GRID2: variants seen among roughly 807,000 people sequenced by gnomAD.
GRID2 encodes the protein glutamate ionotropic receptor delta type subunit 2, also known as glutamate receptor ionotropic, delta-2.
In GRID2, 33 loss-of-function variants were observed where a neutral mutation model predicts 114.8. That is an observed-to-expected ratio of 0.29 (90% confidence interval 0.22 to 0.38). GRID2 has a LOEUF of 0.38. Ranked by LOEUF, GRID2 falls within the 10% of genes least tolerant of loss-of-function variation. GRID2 has a pLI of 1.00. For synonymous variants in GRID2, 505 were observed against 449.9 expected (o/e 1.12, Z -1.55); for missense variants, 1,184 against 1,257.7 (o/e 0.94, Z 0.89).
intron 14 of GRID2, among the ~76,000 whole-genome samples, chr4:93,700,036 C>T (rs1034516768): frequency 1.3e-5 from 2 of 152,070 alleles, no homozygotes; most frequent in African/African-American, 4.8e-5. Context: ...GAGGTTTTTA[C>T]AGCAGCAAGT....
intron 7 of GRID2, among the ~76,000 whole-genome samples, chr4:93,228,508 C>A (rs1339202221): frequency 6.6e-6 from 1 of 152,130 alleles, no homozygotes; most frequent in Non-Finnish European, 1.5e-5. Context: ...AATGCTGTGT[C>A]TTCTTTGCCA....
At chr4:92,685,408 G>A (rs1733850801) in intron 2 of GRID2, among the ~76,000 whole-genome samples, 2 of 152,014 alleles carry the variant, frequency 1.3e-5, no homozygotes, top group Non-Finnish European at 2.9e-5. Flanking sequence ...GAAGAATCAG[G>A]GAAGGATGAA....
intron 13 of GRID2, among the ~76,000 whole-genome samples, chr4:93,625,375 CAG>C (rs947109938): frequency 6.6e-6 from 1 of 152,192 alleles, no homozygotes; most frequent in Admixed American, 6.5e-5. Context: ...ATTTTCCACT[CAG>C]GGGTCATTTT....
At chr4:93,522,551 G>C (rs1032823742) in intron 13 of GRID2, among the ~76,000 whole-genome samples, 1 of 151,978 alleles carries the variant, frequency 6.6e-6, no homozygotes, top group African/African-American at 2.4e-5. Context: ...AGCAAGAAAG[G>C]AAATTAAGAG....
intron 9 of GRID2, among the ~76,000 whole-genome samples, chr4:93,399,506 T>C (rs1283774426): frequency 6.6e-6 from 1 of 152,102 alleles, no homozygotes; most frequent in East Asian, 1.9e-4. Flanking sequence ...TTGACGAAGA[T>C]GTAAATAGTG....
At chr4:93,730,878 A>G (rs567035422) in intron 14 of GRID2, among the ~76,000 whole-genome samples, 1 of 152,330 alleles carries the variant, frequency 6.6e-6, no homozygotes, top group African/African-American at 2.4e-5. Flanking sequence ...AGGAATGCAA[A>G]TATGCATAAA....
chr4:92,335,396 T>C (rs910010034), intron 1 of GRID2, among the ~76,000 whole-genome samples: 4 of 152,210 alleles, frequency 2.6e-5, no homozygotes, highest in African/African-American at 9.7e-5. Context: ...AATAAGAGAA[T>C]TGCTGCAAAG....
chr4:92,540,561 A>G (rs1420186968), intron 1 of GRID2, among the ~76,000 whole-genome samples: 1 of 152,242 alleles, frequency 6.6e-6, no homozygotes, highest in Admixed American at 6.5e-5. Flanking sequence ...ATCACTGGCC[A>G]TCAGAGAAAT....
chr4:93,431,339 A>G (rs774689153), intron 10 of GRID2, among the ~76,000 whole-genome samples: 2 of 152,188 alleles, frequency 1.3e-5, no homozygotes, highest in Non-Finnish European at 2.9e-5. Context: ...GCCAAAAAGA[A>G]CACATGGAGT....
chr4:93,465,482 C>T (rs72668738), intron 11 of GRID2, among the ~76,000 whole-genome samples: 36,905 of 152,038 alleles, frequency 0.24, 5,489 homozygotes, highest in Non-Finnish European at 0.34. Flanking sequence ...AGCTATGTGA[C>T]ATTTGACAAG....
chr4:93,237,035 AT>A (rs1310212717), intron 7 of GRID2, among the ~76,000 whole-genome samples: 1 of 151,912 alleles, frequency 6.6e-6, no homozygotes, highest in Admixed American at 6.6e-5. Context: ...AGGCACTATT[AT>A]TTTCCCATTT....
intron 2 of GRID2, among the ~76,000 whole-genome samples, chr4:92,616,778 A>G (rs1339447300): frequency 6.6e-6 from 1 of 151,566 alleles, no homozygotes; most frequent in East Asian, 1.9e-4. Flanking sequence ...ATAATATATT[A>G]TAGCATATTA....
At chr4:93,395,503 CCAATTATTCTAAGAGCTAT>C (rs1765241492) in intron 8 of GRID2, 85 bp from the exon 9 acceptor site, 1 of 596,446 alleles carries the variant, frequency 1.7e-6, no homozygotes, top group Non-Finnish European at 3.1e-6. Context: ...TCTTTCCATA[CCAATTATTCTAAGAGCTAT>C]CACATAGTTC....
chr4:92,826,588 C>T (rs1187675747), intron 2 of GRID2, among the ~76,000 whole-genome samples: 2 of 152,046 alleles, frequency 1.3e-5, no homozygotes, highest in Non-Finnish European at 2.9e-5. Context: ...ACCTAGGACT[C>T]AGAAGGCTCT....
chr4:93,098,989 CTGTGTGTGTGTGTGTGTGTGTGTGTGTG>C (rs71579585), intron 3 of GRID2, among the ~76,000 whole-genome samples: 1 of 138,908 alleles, frequency 7.2e-6, no homozygotes, highest in Admixed American at 7.4e-5. Context: ...AGATCATTTC[CTGTGTGTGTGTGTGTGTGTGTGTGTGTG>C]TGTGTGTGTG....
At chr4:93,434,809 C>T (rs1720914052) in intron 10 of GRID2, among the ~76,000 whole-genome samples, 2 of 152,132 alleles carry the variant, frequency 1.3e-5, no homozygotes, top group South Asian at 4.1e-4. Flanking sequence ...CATAATCTGC[C>T]CAATCAATTC....
At chr4:92,594,319 C>G (rs1728847919) in intron 2 of GRID2, among the ~76,000 whole-genome samples, 1 of 151,826 alleles carries the variant, frequency 6.6e-6, no homozygotes, top group South Asian at 2.1e-4. Flanking sequence ...AAATTTCAAT[C>G]TAGGTGATAA....
chr4:93,445,749 T>C (rs1722035585), intron 10 of GRID2, among the ~76,000 whole-genome samples: 1 of 152,016 alleles, frequency 6.6e-6, no homozygotes, highest in Non-Finnish European at 1.5e-5. Context: ...CCTGTCGAAA[T>C]ATTTATTTTC....
intron 13 of GRID2, among the ~76,000 whole-genome samples, chr4:93,624,484 C>T (rs60120510): frequency 0.12 from 18,029 of 152,066 alleles, 1,102 homozygotes; most frequent in Middle Eastern, 0.14. Flanking sequence ...TATCTCATTA[C>T]GGATTTTTTT....
Sources: gnomAD v4.1 joint callset for allele counts (sites outside exome capture counted in the v4.1 genomes callset) on GRCh38, gnomAD v4.1.1 for gene constraint, MANE v1.5 for transcripts, NCBI Gene and HGNC (gene_info 2026-07-23, HGNC 2026-07-21) for gene names.